Variants in MARCO observed in about 807,000 individuals in gnomAD.
MARCO encodes macrophage receptor MARCO.
Under a neutral mutation model 70.0 loss-of-function variants are expected in MARCO, and 72 were observed. That is an observed-to-expected ratio of 1.03 (90% CI 0.85 to 1.25). MARCO has a LOEUF of 1.25. Ranked by LOEUF, MARCO falls within the 50% of genes most tolerant of loss-of-function variation. The probability of loss-of-function intolerance (pLI) is 0.00; values close to 1 mark genes in which losing one functional copy is unlikely to be tolerated. For synonymous variants in MARCO, 273 were observed against 243.1 expected (o/e 1.12, Z -1.14); for missense variants, 696 against 659.3 (o/e 1.06, Z -0.61).
intron 10 of MARCO, 69 bp downstream of exon 10, chr2:118,981,725 A>T (rs2104596626): frequency 7.1e-7 from 1 of 1,418,020 alleles, no homozygotes; most frequent in Non-Finnish European, 9.9e-7. Flanking sequence ...GCTGGGGACC[A>T]GACACCACCA....
At chr2:118,977,756 G>A in intron 7 of MARCO, 72 bp from the exon 8 acceptor site, 1 of 1,161,518 alleles carries the variant, frequency 8.6e-7, no homozygotes, top group Non-Finnish European at 1.2e-6. Context: ...AATGCTTCCT[G>A]CCCCTTTGCC....
chr2:118,945,311 G>T (rs181075309), intron 1 of MARCO, among the ~76,000 whole-genome samples: 1 of 151,878 alleles, frequency 6.6e-6, no homozygotes. Flanking sequence ...ACTCCTGGCC[G>T]TCTGGTTTCT....
intron 12 of MARCO, among the ~76,000 whole-genome samples, chr2:118,984,927 G>T (rs1680456904): frequency 6.6e-6 from 1 of 152,168 alleles, no homozygotes; most frequent in African/African-American, 2.4e-5. Flanking sequence ...TCTCTCAAGA[G>T]AATATCTAGC....
chr2:118,964,942 G>C (rs1333603851), intron 1 of MARCO, among the ~76,000 whole-genome samples: 1 of 150,748 alleles, frequency 6.6e-6, no homozygotes, highest in East Asian at 1.9e-4. Flanking sequence ...GTCTCTGGCT[G>C]CTTTCTAGAT....
At chr2:118,973,103 T>C (rs1318832166) in intron 4 of MARCO, among the ~76,000 whole-genome samples, 1 of 151,064 alleles carries the variant, frequency 6.6e-6, no homozygotes, top group Non-Finnish European at 1.5e-5. Flanking sequence ...TCTCTCTGAA[T>C]ATAGATGTAT....
Position 118,981,523 on chromosome 2 carries a change from G to A in MARCO, c.865+16G>A. On this transcript the variant is annotated intron_variant, in intron 9 of 16. Coordinates refer to ENST00000327097, the MANE Select transcript of MARCO (RefSeq NM_006770.4). Reference sequence around the variant, plus strand: ...GGCCCACCAGGTAAGAGGGCACGTGGTCACATCCACTGACCTCTAGGTATT... The same window carrying A: ...GGCCCACCAGGTAAGAGGGCACGTGATCACATCCACTGACCTCTAGGTATT... 6.3e-7 allele frequency: 1 copy of A among 1,599,242 alleles called. No homozygotes were observed. The highest frequency in any genetic ancestry group is 8.5e-7 in the Non-Finnish European group (1 of 1,171,906).
intron 1 of MARCO, among the ~76,000 whole-genome samples, chr2:118,965,632 G>A (rs1204395349): frequency 6.6e-6 from 1 of 152,096 alleles, no homozygotes; most frequent in East Asian, 1.9e-4. Context: ...TATAATGGAT[G>A]TTTTGTATAG....
At chr2:118,974,051 A>G (rs2104584210) in intron 4 of MARCO, among the ~76,000 whole-genome samples, 1 of 152,184 alleles carries the variant, frequency 6.6e-6, no homozygotes, top group African/African-American at 2.4e-5. Flanking sequence ...CTGATGAGGG[A>G]GCTGAGGCTC....
chr2:118,974,372 C>A lies in MARCO; in HGVS notation c.500C>A (p.Ala167Asp). The change falls in exon 5 of 17, where the codon GCC becomes GAC. Residue 167 changes from alanine to aspartate, a missense_variant. Around this residue, in one of 3 missense-constraint regions of MARCO, gnomAD observed 605 missense variants for 537.6 expected, o/e 1.13. Transcript: ENST00000327097. ...AAGGGGGCCATGGGCATGCCTGGTG[C>A]CCCTGGCCCGCCGGGACCACCTGCT... ...GHKGAMGMPGAPGPPGPPAEK... is the reference protein window; with the variant it reads ...GHKGAMGMPGDPGPPGPPAEK... 1 of 1,608,828 alleles carries A rather than the reference C, an allele frequency of 6.2e-7. No homozygotes were observed. Among genetic ancestry groups the A allele is most frequent in the Non-Finnish European group, 8.5e-7 (1 of 1,178,000 alleles).
At chr2:118,984,236 C>T (rs1466843426) in intron 12 of MARCO, among the ~76,000 whole-genome samples, 1 of 152,204 alleles carries the variant, frequency 6.6e-6, no homozygotes, top group Non-Finnish European at 1.5e-5. Flanking sequence ...CAGAAGGTAG[C>T]AGCTTGTTCC....
At chr2:118,946,389 G>A (rs1679600930) in intron 1 of MARCO, among the ~76,000 whole-genome samples, 1 of 151,900 alleles carries the variant, frequency 6.6e-6, no homozygotes, top group Admixed American at 6.6e-5. Context: ...CTATAATTTT[G>A]CCATTTTGGG....
At chr2:118,968,186 T>C (rs150851584) in intron 1 of MARCO, among the ~76,000 whole-genome samples, 1 of 152,314 alleles carries the variant, frequency 6.6e-6, no homozygotes, top group East Asian at 1.9e-4. Context: ...GGCCCTCCCT[T>C]TAATACCCCT....
chr2:118,948,596 T>C (rs943324751), intron 1 of MARCO, among the ~76,000 whole-genome samples: 7 of 152,354 alleles, frequency 4.6e-5, no homozygotes, highest in African/African-American at 1.4e-4. Context: ...TCACAATTTA[T>C]TCTTCAACAA....
chr2:118,962,618 T>C (rs1679970207), intron 1 of MARCO, among the ~76,000 whole-genome samples: 1 of 152,140 alleles, frequency 6.6e-6, no homozygotes, highest in African/African-American at 2.4e-5. Context: ...ATTAGGATCA[T>C]TCTGATCTCA....
intron 12 of MARCO, among the ~76,000 whole-genome samples, chr2:118,982,627 T>C (rs1680416338): frequency 6.6e-6 from 1 of 152,164 alleles, no homozygotes; most frequent in South Asian, 2.1e-4. Context: ...ATGAAAGTCC[T>C]TGAATGCCAT....
intron 1 of MARCO, among the ~76,000 whole-genome samples, chr2:118,955,635 C>G (rs1334954327): frequency 6.6e-6 from 1 of 152,098 alleles, no homozygotes; most frequent in Non-Finnish European, 1.5e-5. Context: ...AAGATCTTCC[C>G]CTAGACACAT....
chr2:118,994,159 G>C (rs1008170209), intron 16 of MARCO, among the ~76,000 whole-genome samples: 1 of 151,744 alleles, frequency 6.6e-6, no homozygotes, highest in Admixed American at 6.6e-5. Context: ...TTTGTCAAAG[G>C]GTAGAGAATA....
chr2:118,991,494 C>G (rs920007609), intron 13 of MARCO, among the ~76,000 whole-genome samples: 1 of 152,214 alleles, frequency 6.6e-6, no homozygotes, highest in African/African-American at 2.4e-5. Flanking sequence ...ATTCTCCCAG[C>G]ATGGCTAGAA....
At position 118,988,650 on chromosome 2, in the gene MARCO, A is replaced by G. The variant is rs1285066901; in HGVS notation, c.1064-1939A>G. 3.3e-5 allele frequency among the ~76,000 whole-genome samples: 5 copies of G among 152,138 alleles called. No individual in the cohort carries two copies. In the East Asian group the frequency reaches 5.8e-4, roughly 18 times the overall value. ...TTTCTACTTCATCACCATCATAGACATACAGAATGTGATCTTTCGCCCAAC... is the reference window on the plus strand; with the variant it reads ...TTTCTACTTCATCACCATCATAGACGTACAGAATGTGATCTTTCGCCCAAC... On this transcript the variant is annotated intron_variant, in intron 12 of 16. Coordinates refer to ENST00000327097, the MANE Select transcript of MARCO (RefSeq NM_006770.4).
Sources: gnomAD v4.1 joint callset for allele counts (sites outside exome capture counted in the v4.1 genomes callset) on GRCh38, gnomAD v4.1.1 for gene constraint, gnomAD v4.1.1 regional missense constraint, MANE v1.5 for transcripts, NCBI Gene and HGNC (gene_info 2026-07-23, HGNC 2026-07-21) for gene names.